The following BCL7A variants were observed in gnomAD, a reference collection of about 807,000 sequenced individuals.
The protein encoded by BCL7A is B-cell CLL/lymphoma 7 protein family member A.
Under a neutral mutation model 28.4 loss-of-function variants are expected in BCL7A, and 11 were observed. The observed-to-expected ratio is 0.39, with a 90% CI of 0.24 to 0.64. The LOEUF is 0.64. BCL7A is among the 30% of genes least tolerant of loss of function. The pLI is 0.50. For missense variants in BCL7A, 222 were observed against 274.8 expected (o/e 0.81, Z 1.36); for synonymous variants, 123 against 103.3 (o/e 1.19, Z -1.15).
chr12:122,058,126 A>G (rs999983615), intron 5 of BCL7A, among the ~76,000 whole-genome samples: 2 of 151,598 alleles, frequency 1.3e-5, no homozygotes, highest in East Asian at 3.9e-4. Context: ...GAGACCAGGA[A>G]GTCGAGGCTG....
At chr12:122,040,921 A>G (rs1017547516) in intron 3 of BCL7A, among the ~76,000 whole-genome samples, 1 of 152,224 alleles carries the variant, frequency 6.6e-6, no homozygotes. Context: ...ATTCATTAAC[A>G]GAGCCTCAGG....
At chr12:122,050,298 T>TTGG (rs112555784) in intron 4 of BCL7A, among the ~76,000 whole-genome samples, 2 of 118,532 alleles carry the variant, frequency 1.7e-5, no homozygotes, top group African/African-American at 5.4e-5. Flanking sequence ...TTCTTTATTG[T>TTGG]GGGGGGGGGG....
At position 122,039,124 on chromosome 12, in the gene BCL7A, A is replaced by G. The variant is rs550190915; in HGVS notation, c.271+3697A>G. On this transcript the variant is annotated intron_variant, in intron 3 of 5. Coordinates refer to ENST00000261822, the MANE Select transcript of BCL7A (RefSeq NM_001024808.3). The stretch of plus-strand genomic sequence containing the variant: ...ATCCTGGCTAACACGGTGAAACCCC[A>G]TCTCTACTAAAAATACAAAAAAATT... 1.5e-3 allele frequency among the ~76,000 whole-genome samples: 227 copies of G among 151,812 alleles called. 1 individual carries two copies. Among genetic ancestry groups the G allele is most frequent in the East Asian group, 7.4e-3 (38 of 5,160 alleles).
At chr12:122,051,560 G>C (rs541225847) in intron 4 of BCL7A, among the ~76,000 whole-genome samples, 4 of 152,304 alleles carry the variant, frequency 2.6e-5, no homozygotes. Context: ...TGGGTTCCAA[G>C]GCCAGTTCCC....
chr12:122,036,003 A>G (rs1344912839), intron 3 of BCL7A, among the ~76,000 whole-genome samples: 1 of 151,644 alleles, frequency 6.6e-6, no homozygotes, highest in African/African-American at 2.4e-5. Flanking sequence ...ACCATCCCTG[A>G]CCGATTTTTG....
rs1486182510 is a variant in BCL7A, at chr12:122,058,590, C to T, written c.562-502C>T. ...AGGAGAATCACTTGAACCCAGGAGG[C>T]GGAGGTTGCAGTGAGCCAAGATTGC... On this transcript the variant is annotated intron_variant, in intron 5 of 5. Coordinates refer to ENST00000261822, the MANE Select transcript of BCL7A (RefSeq NM_001024808.3). Among the ~76,000 whole-genome samples, 10 of 152,212 alleles carry T rather than the reference C, an allele frequency of 6.6e-5. No individual in the cohort carries two copies. The East Asian group carries it at 1.4e-3, about 21-fold the overall frequency.
chr12:122,037,513 G>A (rs992609732), intron 3 of BCL7A, among the ~76,000 whole-genome samples: 3 of 152,176 alleles, frequency 2.0e-5, no homozygotes, highest in African/African-American at 7.2e-5. Flanking sequence ...GGACTGGCAG[G>A]TTTCTGAACG....
chr12:122,030,996 G>A (rs1035798521), intron 2 of BCL7A, among the ~76,000 whole-genome samples: 19 of 149,226 alleles, frequency 1.3e-4, no homozygotes, highest in African/African-American at 4.1e-4. Flanking sequence ...AGCGGTGGAC[G>A]GGGGGATCCC....
chr12:122,055,393 G>C (rs1951869809), intron 5 of BCL7A, among the ~76,000 whole-genome samples: 1 of 152,182 alleles, frequency 6.6e-6, no homozygotes, highest in South Asian at 2.1e-4. Context: ...AATCTGGTCT[G>C]AATGAGTCAG....
At position 122,060,230 on chromosome 12, in the gene BCL7A, C is replaced by T. The variant is rs1951909612; in HGVS notation, c.*1067C>T. On this transcript the variant is annotated 3_prime_UTR_variant, in exon 6 of 6. Coordinates refer to ENST00000261822, the MANE Select transcript of BCL7A (RefSeq NM_001024808.3). ...CGCCCCAGCCTGTGCCCCGGAGAGG[C>T]AGGATCGCAGTGGTCAGAATCCACG... The T allele has an allele frequency of 8.6e-6, 2 of 232,854 alleles. No homozygotes were observed. The highest frequency in any genetic ancestry group is 1.2e-4 in the East Asian group (2 of 16,514). The allele number at this position is 232,854 out of a possible 1,614,324, so 14.4% of individuals were successfully genotyped here. A position where few individuals can be genotyped will look rare whatever the true frequency, so the allele number is the denominator to read the frequency against.
chr12:122,048,684 G>C (rs1884126366), intron 4 of BCL7A, among the ~76,000 whole-genome samples: 1 of 151,964 alleles, frequency 6.6e-6, no homozygotes, highest in African/African-American at 2.4e-5. Flanking sequence ...AGGAGTTTGA[G>C]ACCAGCCTGG....
chr12:122,054,752 C>T, intron 4 of BCL7A, 53 bp from the exon 5 acceptor site: 1 of 1,572,104 alleles, frequency 6.4e-7, no homozygotes. Flanking sequence ...GCCCCACCGG[C>T]CCCGCCTCTC....
intron 3 of BCL7A, among the ~76,000 whole-genome samples, chr12:122,038,035 C>T (rs893496670): frequency 1.3e-5 from 2 of 151,874 alleles, no homozygotes; most frequent in Non-Finnish European, 2.9e-5. Context: ...GCAGGAGAAT[C>T]GCTTGAACCT....
chr12:122,041,889 C>T (rs1593029954), intron 3 of BCL7A, among the ~76,000 whole-genome samples: 1 of 152,018 alleles, frequency 6.6e-6, no homozygotes, highest in Non-Finnish European at 1.5e-5. Flanking sequence ...ACCAACATGG[C>T]GAAACCCCGT....
chr12:122,027,916 T>A (rs1883664169), intron 1 of BCL7A, among the ~76,000 whole-genome samples: 1 of 152,126 alleles, frequency 6.6e-6, no homozygotes, highest in South Asian at 2.1e-4. Context: ...AGCAACGCCC[T>A]TTTTTGGGGA....
At chr12:122,047,350 C>T (rs1001134984) in intron 4 of BCL7A, among the ~76,000 whole-genome samples, 13 of 151,380 alleles carry the variant, frequency 8.6e-5, no homozygotes, top group Non-Finnish European at 1.8e-4. Flanking sequence ...GGTGAAACCC[C>T]GTCTCTACTA....
chr12:122,049,895 C>T (rs149461251), intron 4 of BCL7A, among the ~76,000 whole-genome samples: 1 of 152,154 alleles, frequency 6.6e-6, no homozygotes, highest in Non-Finnish European at 1.5e-5. Flanking sequence ...CTGGCTTTTC[C>T]CCCCGAGAAG....
chr12:122,051,866 CTTTT>C (rs34244407), intron 4 of BCL7A, among the ~76,000 whole-genome samples: 820 of 80,236 alleles, frequency 0.01, 2 homozygotes, highest in African/African-American at 0.038. Flanking sequence ...CTCTCTCTCT[CTTTT>C]TTTTTTTTTT....
chr12:122,023,341 T>G (rs1883519813), intron 1 of BCL7A, among the ~76,000 whole-genome samples: 1 of 152,190 alleles, frequency 6.6e-6, no homozygotes, highest in African/African-American at 2.4e-5. Context: ...TCTCGACCCT[T>G]TATTTCGAGC....
Sources: allele counts gnomAD v4.1 joint callset (sites outside exome capture counted in the v4.1 genomes callset), GRCh38; gene constraint gnomAD v4.1.1; transcripts MANE v1.5; gene names NCBI Gene and HGNC (gene_info 2026-07-23, HGNC 2026-07-21).